The following SGMS1 variants were observed in gnomAD, a reference collection of about 807,000 sequenced individuals.
SGMS1 encodes the protein phosphatidylcholine:ceramide cholinephosphotransferase 1.
A neutral mutation model predicts 46.2 loss-of-function variants in SGMS1; 13 were observed. The observed-to-expected ratio is 0.28, with a 90% CI of 0.18 to 0.45. The LOEUF is 0.45. Among genes scored for constraint, SGMS1 ranks in the 20% least tolerant of loss-of-function variants. The pLI, the probability that SGMS1 is intolerant of heterozygous loss-of-function variation, is 1.00. For missense variants in SGMS1, 324 were observed against 519.9 expected (o/e 0.62, Z 3.66); for synonymous variants, 203 against 187.8 (o/e 1.08, Z -0.66).
At chr10:50,343,185 G>T in intron 7 of SGMS1, 1 of 212,134 alleles carries the variant, frequency 4.7e-6, no homozygotes, top group Non-Finnish European at 9.4e-6. Flanking sequence ...TTGATCTGTT[G>T]TTCAATAGCC....
intron 7 of SGMS1, among the ~76,000 whole-genome samples, chr10:50,331,168 G>T (rs1847618295): frequency 6.6e-6 from 1 of 152,110 alleles, no homozygotes; most frequent in African/African-American, 2.4e-5. Flanking sequence ...TTCTATTGAG[G>T]TATTTCCCCA....
At chr10:50,614,517 G>T (rs552684110) in intron 1 of SGMS1, among the ~76,000 whole-genome samples, 16 of 152,344 alleles carry the variant, frequency 1.1e-4, no homozygotes, top group African/African-American at 3.4e-4. Flanking sequence ...CCCCAGACCA[G>T]CAGCATGACA....
At chr10:50,393,385 C>A (rs1159918790) in intron 6 of SGMS1, among the ~76,000 whole-genome samples, 1 of 152,144 alleles carries the variant, frequency 6.6e-6, no homozygotes, top group Non-Finnish European at 1.5e-5. Context: ...CCCTGACGCA[C>A]AAGAATGACT....
intron 3 of SGMS1, among the ~76,000 whole-genome samples, chr10:50,496,495 A>G (rs528701969): frequency 6.6e-6 from 1 of 152,292 alleles, no homozygotes; most frequent in East Asian, 1.9e-4. Flanking sequence ...CAGAAAAGCA[A>G]CGAGGCACAC....
intron 5 of SGMS1, among the ~76,000 whole-genome samples, chr10:50,459,411 A>AT (rs1047340643): frequency 2.0e-5 from 3 of 150,644 alleles, no homozygotes; most frequent in African/African-American, 4.9e-5. Flanking sequence ...AAGAATAAGA[A>AT]TTTTTTTTTT....
intron 6 of SGMS1, among the ~76,000 whole-genome samples, chr10:50,348,204 T>C (rs1359444238): frequency 6.6e-6 from 1 of 152,210 alleles, no homozygotes; most frequent in Non-Finnish European, 1.5e-5. Flanking sequence ...ATAGCCAATA[T>C]CATACTGAAA....
intron 3 of SGMS1, among the ~76,000 whole-genome samples, chr10:50,493,655 G>A (rs1051772797): frequency 2.6e-5 from 4 of 150,992 alleles, no homozygotes; most frequent in African/African-American, 7.3e-5. Flanking sequence ...GTGGGCAAGG[G>A]ACACAAACAG....
At chr10:50,617,163 T>C (rs1275125350) in intron 1 of SGMS1, among the ~76,000 whole-genome samples, 1 of 152,182 alleles carries the variant, frequency 6.6e-6, no homozygotes, top group Non-Finnish European at 1.5e-5. Context: ...AAAAATGTTC[T>C]GGAAATGCAT....
intron 6 of SGMS1, among the ~76,000 whole-genome samples, chr10:50,432,782 A>AG (rs1392451775): frequency 2.6e-5 from 4 of 152,250 alleles, no homozygotes; most frequent in Admixed American, 2.6e-4. Flanking sequence ...TCCAATATAC[A>AG]GATGAGTTGA....
At chr10:50,604,441 C>G (rs1451378175) in intron 1 of SGMS1, among the ~76,000 whole-genome samples, 1 of 152,240 alleles carries the variant, frequency 6.6e-6, no homozygotes, top group African/African-American at 2.4e-5. Flanking sequence ...CAGACTCCAA[C>G]AGCAAACAGG....
At chr10:50,385,984 C>T (rs970266010) in intron 6 of SGMS1, among the ~76,000 whole-genome samples, 3 of 152,080 alleles carry the variant, frequency 2.0e-5, no homozygotes, top group Non-Finnish European at 4.4e-5. Flanking sequence ...TAGGCTATGA[C>T]ATAGGACATC....
chr10:50,358,115 A>AT (rs1341988425), intron 6 of SGMS1, among the ~76,000 whole-genome samples: 3 of 152,006 alleles, frequency 2.0e-5, no homozygotes, highest in African/African-American at 7.2e-5. Flanking sequence ...CAACATCTCT[A>AT]TTTTTTTTAA....
intron 7 of SGMS1, among the ~76,000 whole-genome samples, chr10:50,331,759 G>A (rs1847626665): frequency 6.6e-6 from 1 of 152,160 alleles, no homozygotes; most frequent in African/African-American, 2.4e-5. Flanking sequence ...CCAGTGATTA[G>A]ATCACAAGGG....
intron 2 of SGMS1, among the ~76,000 whole-genome samples, chr10:50,576,945 T>G (rs1003652345): frequency 6.6e-6 from 1 of 152,244 alleles, no homozygotes; most frequent in African/African-American, 2.4e-5. Flanking sequence ...CTTGGCTCTT[T>G]TATCCTGTCA....
intron 8 of SGMS1, among the ~76,000 whole-genome samples, chr10:50,317,526 C>T (rs1175906658): frequency 6.6e-6 from 1 of 152,164 alleles, no homozygotes; most frequent in African/African-American, 2.4e-5. Context: ...CTGAGCTAAA[C>T]AATCTTGCCT....
intron 1 of SGMS1, among the ~76,000 whole-genome samples, chr10:50,600,859 T>A (rs1838643512): frequency 6.6e-6 from 1 of 152,004 alleles, no homozygotes; most frequent in South Asian, 2.1e-4. Context: ...GAACCGAGTC[T>A]AGGAAGATGA....
At chr10:50,568,104 C>T (rs965217017) in intron 2 of SGMS1, among the ~76,000 whole-genome samples, 1 of 152,132 alleles carries the variant, frequency 6.6e-6, no homozygotes, top group Non-Finnish European at 1.5e-5. Context: ...CCATCACATA[C>T]CTAAAATATA....
At chr10:50,620,408 T>A (rs1003766969) in intron 1 of SGMS1, among the ~76,000 whole-genome samples, 1 of 152,038 alleles carries the variant, frequency 6.6e-6, no homozygotes, top group Non-Finnish European at 1.5e-5. Flanking sequence ...ATAGCTACCA[T>A]CCAAAAAAGG....
intron 6 of SGMS1, among the ~76,000 whole-genome samples, chr10:50,364,995 G>A (rs1056865695): frequency 7.9e-5 from 12 of 152,056 alleles, no homozygotes; most frequent in African/African-American, 2.9e-4. Flanking sequence ...TGAGCATGGT[G>A]GCTCACACCT....
Sources: gnomAD v4.1 joint callset for allele counts (sites outside exome capture counted in the v4.1 genomes callset) on GRCh38, gnomAD v4.1.1 for gene constraint, MANE v1.5 for transcripts, NCBI Gene and HGNC (gene_info 2026-07-23, HGNC 2026-07-21) for gene names.